The following MCOLN2 variants were observed in gnomAD, a reference collection of about 807,000 sequenced individuals.
MCOLN2 encodes mucolipin-2.
Under a neutral mutation model 67.5 loss-of-function variants are expected in MCOLN2, and 57 were observed. That is an observed-to-expected ratio of 0.84 (90% confidence interval 0.68 to 1.05). MCOLN2 has a LOEUF of 1.05. Ranked by LOEUF, MCOLN2 falls within the 50% of genes least tolerant of loss-of-function variation. The pLI, the probability that MCOLN2 is intolerant of heterozygous loss-of-function variation, is 0.00. For missense variants in MCOLN2, 620 were observed against 678.8 expected (o/e 0.91, Z 0.96); for synonymous variants, 246 against 233.3 (o/e 1.05, Z -0.50).
chr1:84,993,258 C>T (rs1650980877), intron 1 of MCOLN2, among the ~76,000 whole-genome samples: 1 of 152,200 alleles, frequency 6.6e-6, no homozygotes, highest in Admixed American at 6.5e-5. Flanking sequence ...CATCTTCAGG[C>T]TTCTCTTCTA....
At chr1:84,931,260 A>G (rs1379723007) in intron 12 of MCOLN2, 102 bp downstream of exon 12, 2 of 800,860 alleles carry the variant, frequency 2.5e-6, no homozygotes, top group Non-Finnish European at 4.1e-6. Context: ...AAACCTCAAA[A>G]TCTGAACTGT....
intron 2 of MCOLN2, among the ~76,000 whole-genome samples, chr1:84,959,230 G>C (rs2102848367): frequency 6.6e-6 from 1 of 152,268 alleles, no homozygotes. Flanking sequence ...AGCTCTGCAA[G>C]AATTCTGTAT....
chr1:84,944,018 A>G (rs1019290545), intron 7 of MCOLN2, among the ~76,000 whole-genome samples: 1 of 152,186 alleles, frequency 6.6e-6, no homozygotes, highest in Admixed American at 6.5e-5. Flanking sequence ...GATAAGACTG[A>G]AAATCTTATG....
intron 1 of MCOLN2, among the ~76,000 whole-genome samples, chr1:84,970,146 A>T (rs1324980647): frequency 6.6e-6 from 1 of 152,156 alleles, no homozygotes; most frequent in African/African-American, 2.4e-5. Flanking sequence ...TTGCTAAAGC[A>T]TCCCTCCTGA....
chr1:84,996,541 G>C (rs1651166101), intron 1 of MCOLN2, among the ~76,000 whole-genome samples: 1 of 151,782 alleles, frequency 6.6e-6, no homozygotes, highest in Non-Finnish European at 1.5e-5. Context: ...CCCGCTGGCA[G>C]CGCCAACCGG....
intron 1 of MCOLN2, among the ~76,000 whole-genome samples, chr1:84,994,844 T>G (rs1468203731): frequency 6.6e-6 from 1 of 152,204 alleles, no homozygotes; most frequent in Non-Finnish European, 1.5e-5. Context: ...ACAAAATGCC[T>G]AGCTTTTGGT....
At chr1:84,992,139 G>T (rs2102894730) in intron 1 of MCOLN2, among the ~76,000 whole-genome samples, 1 of 152,296 alleles carries the variant, frequency 6.6e-6, no homozygotes, top group Non-Finnish European at 1.5e-5. Flanking sequence ...CCTGTAGTTG[G>T]CATAAGTAGT....
chr1:84,951,039 C>A (rs1648402152), intron 6 of MCOLN2, among the ~76,000 whole-genome samples: 1 of 152,212 alleles, frequency 6.6e-6, no homozygotes, highest in African/African-American at 2.4e-5. Context: ...TCCTCTCCTG[C>A]CTTTCTCCTC....
chr1:84,987,658 A>C (rs1307515682), intron 1 of MCOLN2, among the ~76,000 whole-genome samples: 1 of 134,334 alleles, frequency 7.4e-6, no homozygotes, highest in South Asian at 2.4e-4. Context: ...ATATACATAC[A>C]TATGTATATA....
At chr1:84,995,385 T>C (rs1269097804) in intron 1 of MCOLN2, among the ~76,000 whole-genome samples, 1 of 152,058 alleles carries the variant, frequency 6.6e-6, no homozygotes, top group Admixed American at 6.6e-5. Flanking sequence ...CAAAGAACAA[T>C]AAAACAAGGT....
At chr1:84,964,680 C>T (rs1466676681) in intron 2 of MCOLN2, among the ~76,000 whole-genome samples, 1 of 152,110 alleles carries the variant, frequency 6.6e-6, no homozygotes, top group Non-Finnish European at 1.5e-5. Context: ...TGTTTTCCTG[C>T]AACTAGAAGG....
chr1:84,987,050 G>A (rs556231219), intron 1 of MCOLN2, among the ~76,000 whole-genome samples: 95 of 151,888 alleles, frequency 6.3e-4, no homozygotes, highest in Middle Eastern at 3.4e-3. Context: ...AAAAGAAGTC[G>A]TTATATGAAA....
At chr1:84,989,994 G>A (rs567634359) in intron 1 of MCOLN2, among the ~76,000 whole-genome samples, 3 of 152,102 alleles carry the variant, frequency 2.0e-5, no homozygotes, top group Non-Finnish European at 4.4e-5. Flanking sequence ...CTATAAAAGT[G>A]ACTTAAGAAT....
At chr1:84,964,649 A>C (rs1316311079) in intron 2 of MCOLN2, among the ~76,000 whole-genome samples, 1 of 152,092 alleles carries the variant, frequency 6.6e-6, no homozygotes, top group South Asian at 2.1e-4. Flanking sequence ...CATAATGTAG[A>C]ATTAGTGGGG....
chr1:84,942,346 C>T (rs2102818807), intron 7 of MCOLN2, among the ~76,000 whole-genome samples: 1 of 152,266 alleles, frequency 6.6e-6, no homozygotes, highest in East Asian at 1.9e-4. Context: ...GTCTCTGGAG[C>T]CCGACAGCCT....
chr1:84,987,521 T>TATGTATACATAGATGTATACATAG (rs1557665723), intron 1 of MCOLN2, among the ~76,000 whole-genome samples: 1 of 58,704 alleles, frequency 1.7e-5, no homozygotes, highest in South Asian at 5.3e-4. Flanking sequence ...CATATGTATA[T>TATGTATACATAGATGTATACATAG]ATGTATACAT....
chr1:84,947,793 TTG>T (rs141242124), intron 6 of MCOLN2, among the ~76,000 whole-genome samples: 6,443 of 152,340 alleles, frequency 0.042, 473 homozygotes, highest in African/African-American at 0.15. Flanking sequence ...CCAGTACTCT[TTG>T]TGTCTCTCCA....
At chr1:84,980,646 C>T (rs1419348440) in intron 1 of MCOLN2, among the ~76,000 whole-genome samples, 4 of 152,078 alleles carry the variant, frequency 2.6e-5, no homozygotes, top group African/African-American at 4.8e-5. Flanking sequence ...AAACTAAACC[C>T]CTATCTATCA....
chr1:84,956,404 T>C, intron 4 of MCOLN2, 27 bp downstream of exon 4: 1 of 1,598,970 alleles, frequency 6.3e-7, no homozygotes, highest in Non-Finnish European at 8.5e-7. Flanking sequence ...ACGATAAAGG[T>C]ACATCATGAA....
Sources: allele counts gnomAD v4.1 joint callset (sites outside exome capture counted in the v4.1 genomes callset), GRCh38; gene constraint gnomAD v4.1.1; transcripts MANE v1.5; gene names NCBI Gene and HGNC (gene_info 2026-07-23, HGNC 2026-07-21).